RIGI: variants seen among roughly 807,000 people sequenced by gnomAD.
RIGI encodes the protein antiviral innate immune response receptor RIG-I.
the RIGI span, chr9:32,488,784 T>G: frequency 6.2e-7 from 1 of 1,613,258 alleles, no homozygotes; most frequent in Non-Finnish European, 8.5e-7. Context: ...GTTCATACAC[T>G]GGGATCTGAT....
the RIGI span, among the ~76,000 whole-genome samples, chr9:32,522,348 T>C: frequency 6.6e-6 from 1 of 152,224 alleles, no homozygotes; most frequent in Non-Finnish European, 1.5e-5. Flanking sequence ...TTCTCCAGAA[T>C]TTATAAACTA....
At chr9:32,510,620 C>T in the RIGI span, among the ~76,000 whole-genome samples, 216 of 152,316 alleles carry the variant, frequency 1.4e-3, no homozygotes, top group Non-Finnish European at 2.4e-3. Flanking sequence ...CTGGTACCAG[C>T]CACTGCAAAA....
At chr9:32,522,530 C>T in the RIGI span, among the ~76,000 whole-genome samples, 2 of 152,012 alleles carry the variant, frequency 1.3e-5, no homozygotes, top group African/African-American at 4.8e-5. Context: ...CCCATATGGA[C>T]AATAATTTTT....
At chr9:32,472,881 T>C in the RIGI span, 8 of 588,572 alleles carry the variant, frequency 1.4e-5, no homozygotes, top group Non-Finnish European at 2.0e-5. Flanking sequence ...ATTTGAAATA[T>C]ATATTATATA....
the RIGI span, among the ~76,000 whole-genome samples, chr9:32,486,509 A>G: frequency 0.1 from 15,166 of 151,278 alleles, 978 homozygotes; most frequent in Middle Eastern, 0.28. Context: ...AAACACAGGG[A>G]AAGTAACACC....
chr9:32,490,304 G>T, the RIGI span, among the ~76,000 whole-genome samples: 202 of 152,316 alleles, frequency 1.3e-3, no homozygotes, highest in African/African-American at 4.7e-3. Flanking sequence ...TTGAACCCAA[G>T]GTTGCAGTGA....
At chr9:32,456,666 A>G in the RIGI span, 1 of 157,306 alleles carries the variant, frequency 6.4e-6, no homozygotes, top group African/African-American at 2.4e-5. Context: ...GAGGTCAAAT[A>G]GAAGGTTAAG....
the RIGI span, among the ~76,000 whole-genome samples, chr9:32,514,638 T>C: frequency 5.3e-5 from 8 of 152,158 alleles, no homozygotes; most frequent in Non-Finnish European, 1.2e-4. Flanking sequence ...GATGGTTTGA[T>C]GGGTGCAGCA....
the RIGI span, chr9:32,467,794 A>T: frequency 6.2e-7 from 1 of 1,603,330 alleles, no homozygotes; most frequent in Admixed American, 1.7e-5. Context: ...GACATTGCCC[A>T]CATACTCATA....
At chr9:32,502,330 T>G in the RIGI span, among the ~76,000 whole-genome samples, 1 of 152,248 alleles carries the variant, frequency 6.6e-6, no homozygotes, top group African/African-American at 2.4e-5. Flanking sequence ...TGAGCAATTT[T>G]ATGTGACGAT....
At chr9:32,480,730 C>T in the RIGI span, among the ~76,000 whole-genome samples, 1 of 152,224 alleles carries the variant, frequency 6.6e-6, no homozygotes, top group African/African-American at 2.4e-5. Flanking sequence ...ACATCTGAAG[C>T]CATCACTAAA....
At chr9:32,461,313 A>G in the RIGI span, among the ~76,000 whole-genome samples, 1 of 152,236 alleles carries the variant, frequency 6.6e-6, no homozygotes, top group African/African-American at 2.4e-5. Flanking sequence ...GAAGTTTTCT[A>G]AACAGAGGAA....
chr9:32,494,241 C>T, the RIGI span, among the ~76,000 whole-genome samples: 207 of 152,210 alleles, frequency 1.4e-3, 1 homozygote, highest in African/African-American at 4.4e-3. Context: ...ATAGACTTCA[C>T]CTACAATCCC....
the RIGI span, chr9:32,466,515 A>G: frequency 7.6e-7 from 1 of 1,324,046 alleles, no homozygotes; most frequent in East Asian, 2.5e-5. Context: ...AGGTAAACAA[A>G]TAGAGGTACT....
chr9:32,516,739 C>T, the RIGI span, among the ~76,000 whole-genome samples: 2 of 152,118 alleles, frequency 1.3e-5, no homozygotes, highest in Non-Finnish European at 2.9e-5. Context: ...CTCTAGAGAG[C>T]GTGTTTGTAA....
chr9:32,494,022 T>C, the RIGI span: 1 of 1,074,578 alleles, frequency 9.3e-7, no homozygotes, highest in Non-Finnish European at 1.3e-6. Flanking sequence ...AGAAATCATG[T>C]TTGAATGTAT....
chr9:32,473,058 T>C, the RIGI span: 1 of 1,604,278 alleles, frequency 6.2e-7, no homozygotes, highest in East Asian at 2.2e-5. Context: ...AATCCAATTT[T>C]TTAAAGCCTG....
At chr9:32,488,494 C>T in the RIGI span, among the ~76,000 whole-genome samples, 2 of 152,106 alleles carry the variant, frequency 1.3e-5, no homozygotes, top group South Asian at 4.1e-4. Context: ...AAATGTGCCA[C>T]GTAAACATCA....
the RIGI span, among the ~76,000 whole-genome samples, chr9:32,517,245 C>T: frequency 3.3e-5 from 5 of 152,352 alleles, no homozygotes; most frequent in South Asian, 8.3e-4. Context: ...TTCTGGTTCA[C>T]AGCCTTCATT....
Sources: allele counts gnomAD v4.1 joint callset (sites outside exome capture counted in the v4.1 genomes callset), GRCh38; gene constraint gnomAD v4.1.1; transcripts MANE v1.5; gene names NCBI Gene and HGNC (gene_info 2026-07-23, HGNC 2026-07-21).